Variants in AGMO observed in about 807,000 individuals in gnomAD.
AGMO encodes alkylglycerol monooxygenase.
Under a neutral mutation model 60.2 loss-of-function variants are expected in AGMO, and 75 were observed. The observed-to-expected ratio is 1.25, with a 90% CI of 1.03 to 1.51. AGMO has a LOEUF of 1.51. AGMO is among the 40% of genes most tolerant of loss of function. The pLI, the probability that AGMO is intolerant of heterozygous loss-of-function variation, is 0.00. For synonymous variants in AGMO, 261 were observed against 177.1 expected (o/e 1.47, Z -3.76); for missense variants, 763 against 525.5 (o/e 1.45, Z -4.42).
At chr7:15,413,504 A>G (rs1319636945) in intron 5 of AGMO, among the ~76,000 whole-genome samples, 1 of 152,162 alleles carries the variant, frequency 6.6e-6, no homozygotes, top group East Asian at 1.9e-4. Flanking sequence ...TTTTTTAAAT[A>G]CCACAGTGGC....
chr7:15,387,978 G>A (rs903354579), intron 8 of AGMO, among the ~76,000 whole-genome samples: 5 of 149,034 alleles, frequency 3.4e-5, no homozygotes, highest in Admixed American at 1.3e-4. Flanking sequence ...AGCGGCTTTG[G>A]CTCACTACAA....
At chr7:15,119,180 A>G in the AGMO span, among the ~76,000 whole-genome samples, 7 of 151,718 alleles carry the variant, frequency 4.6e-5, no homozygotes, top group African/African-American at 7.3e-5. Flanking sequence ...GTAATCCCCA[A>G]TGCTGGTCGT....
chr7:15,556,137 C>A (rs919276515), intron 2 of AGMO, among the ~76,000 whole-genome samples: 2 of 151,560 alleles, frequency 1.3e-5, no homozygotes, highest in Non-Finnish European at 2.9e-5. Context: ...TATAAAAACC[C>A]AGTATACAAT....
intron 2 of AGMO, among the ~76,000 whole-genome samples, chr7:15,554,999 C>T (rs886282464): frequency 3.3e-5 from 5 of 151,814 alleles, no homozygotes; most frequent in Admixed American, 2.0e-4. Flanking sequence ...TGGTGTAATA[C>T]TGTCGTTGAA....
chr7:15,535,497 G>T (rs962961894), intron 3 of AGMO, among the ~76,000 whole-genome samples: 2 of 151,798 alleles, frequency 1.3e-5, no homozygotes. Flanking sequence ...TAATTACTTT[G>T]GCATTTGAAC....
chr7:15,206,832 C>T (rs575640948), intron 12 of AGMO, among the ~76,000 whole-genome samples: 26 of 152,248 alleles, frequency 1.7e-4, no homozygotes, highest in South Asian at 4.1e-4. Context: ...AGAGTTTTCA[C>T]TGCTCCAGCT....
chr7:15,144,289 T>C, the AGMO span, among the ~76,000 whole-genome samples: 577 of 152,250 alleles, frequency 3.8e-3, 2 homozygotes, highest in African/African-American at 0.013. Flanking sequence ...AATGCACAGG[T>C]CTGACTTTTT....
chr7:15,555,743 A>G (rs1785114834), intron 2 of AGMO, among the ~76,000 whole-genome samples: 1 of 151,972 alleles, frequency 6.6e-6, no homozygotes, highest in Non-Finnish European at 1.5e-5. Flanking sequence ...CAGACTAATA[A>G]GCAGTGAACC....
chr7:15,395,895 T>C (rs938312483), intron 5 of AGMO, among the ~76,000 whole-genome samples: 20 of 152,174 alleles, frequency 1.3e-4, no homozygotes, highest in Admixed American at 2.6e-4. Flanking sequence ...TACATGTGAA[T>C]AGGTGGGGTG....
chr7:15,250,814 A>C (rs1401850480), intron 12 of AGMO, among the ~76,000 whole-genome samples: 1 of 151,892 alleles, frequency 6.6e-6, no homozygotes, highest in Non-Finnish European at 1.5e-5. Flanking sequence ...GCATGGTGGC[A>C]GGTGCCTGTA....
chr7:15,283,416 T>C (rs1784021861), intron 12 of AGMO, among the ~76,000 whole-genome samples: 1 of 151,820 alleles, frequency 6.6e-6, no homozygotes, highest in Non-Finnish European at 1.5e-5. Flanking sequence ...GGAAACCAAA[T>C]GTAAGCAGGA....
intron 4 of AGMO, among the ~76,000 whole-genome samples, chr7:15,426,956 C>G (rs1319844920): frequency 6.6e-6 from 1 of 151,984 alleles, no homozygotes; most frequent in East Asian, 1.9e-4. Flanking sequence ...TTGACTAGCT[C>G]TGCATGTGAT....
chr7:15,249,690 T>C lies in AGMO; in HGVS notation c.1264-48331A>G, dbSNP rs578150580. On this transcript the variant is annotated intron_variant, in intron 12 of 12. Transcript: ENST00000342526. Reference sequence around the variant, plus strand: ...CAGAAACAGAGTTACAAGGATGTGATGGGGGGGAAATAAAAGGGGTGGTGG... The same window carrying C: ...CAGAAACAGAGTTACAAGGATGTGACGGGGGGGAAATAAAAGGGGTGGTGG... Among the ~76,000 whole-genome samples the C allele has an allele frequency of 2.0e-5, 3 of 151,896 alleles. No individual in the cohort carries two copies. In the South Asian group the frequency reaches 6.2e-4, roughly 32 times the overall value.
chr7:15,396,571 T>C (rs1447282771), intron 5 of AGMO: 2 of 152,262 alleles, frequency 1.3e-5, no homozygotes, highest in Non-Finnish European at 2.9e-5. Context: ...GGACAACAGC[T>C]TGCCGCTCCT....
chr7:15,522,510 C>A (rs1784024402), intron 3 of AGMO, among the ~76,000 whole-genome samples: 1 of 152,050 alleles, frequency 6.6e-6, no homozygotes, highest in African/African-American at 2.4e-5. Context: ...GTATATAGAA[C>A]AATGGAACAG....
intron 12 of AGMO, among the ~76,000 whole-genome samples, chr7:15,307,056 TAA>T (rs1780636405): frequency 6.6e-6 from 1 of 152,042 alleles, no homozygotes; most frequent in Admixed American, 6.6e-5. Context: ...TTCCAAAAAA[TAA>T]GTTTCCATTT....
intron 10 of AGMO, among the ~76,000 whole-genome samples, chr7:15,372,400 G>C (rs757584621): frequency 1.3e-5 from 2 of 152,300 alleles, no homozygotes; most frequent in Middle Eastern, 3.4e-3. Flanking sequence ...AGGTTGCAGT[G>C]AGGCAAGATC....
chr7:15,340,340 A>G (rs1355270205), intron 12 of AGMO, among the ~76,000 whole-genome samples: 1 of 152,304 alleles, frequency 6.6e-6, no homozygotes, highest in East Asian at 1.9e-4. Flanking sequence ...GGAGTATGTC[A>G]GATTTTGAAT....
At chr7:15,362,120 T>G (rs1421283457) in intron 12 of AGMO, among the ~76,000 whole-genome samples, 1 of 152,200 alleles carries the variant, frequency 6.6e-6, no homozygotes, top group Non-Finnish European at 1.5e-5. Context: ...GTTTCTATAC[T>G]TATTGTTTGA....
Sources: gnomAD v4.1 joint callset for allele counts (sites outside exome capture counted in the v4.1 genomes callset) on GRCh38, gnomAD v4.1.1 for gene constraint, MANE v1.5 for transcripts, NCBI Gene and HGNC (gene_info 2026-07-23, HGNC 2026-07-21) for gene names.